Variants in PTPRU observed in about 807,000 individuals in gnomAD.
PTPRU encodes the protein protein tyrosine phosphatase receptor type U, also known as receptor-type tyrosine-protein phosphatase U.
A neutral mutation model predicts 166.3 loss-of-function variants in PTPRU; 69 were observed. The observed-to-expected ratio is 0.41, with a 90% CI of 0.34 to 0.51. PTPRU has a LOEUF of 0.51. Ranked by LOEUF, PTPRU falls within the 20% of genes least tolerant of loss-of-function variation. The probability of loss-of-function intolerance (pLI) is 0.09; values close to 1 mark genes in which losing one functional copy is unlikely to be tolerated. For synonymous variants in PTPRU, 793 were observed against 814.0 expected (o/e 0.97, Z 0.44); for missense variants, 1,657 against 2,013.7 (o/e 0.82, Z 3.39).
At chr1:29,316,222 T>A in intron 24 of PTPRU, 71 bp downstream of exon 24, 1 of 1,503,190 alleles carries the variant, frequency 6.7e-7, no homozygotes, top group Middle Eastern at 2.3e-4. Context: ...TCCTTAATAC[T>A]GCAGGAGTCA....
chr1:29,269,339 C>G (rs1685459874), intron 7 of PTPRU, among the ~76,000 whole-genome samples: 1 of 133,696 alleles, frequency 7.5e-6, no homozygotes, highest in Non-Finnish European at 1.5e-5. Flanking sequence ...AAGGGATCCT[C>G]CTGTTTCAGC....
At chr1:29,297,189 G>C (rs970783580) in intron 15 of PTPRU, among the ~76,000 whole-genome samples, 3 of 151,596 alleles carry the variant, frequency 2.0e-5, no homozygotes, top group Non-Finnish European at 4.4e-5. Flanking sequence ...CTAGTAGCTG[G>C]GACTACAGGC....
Position 29,279,092 on chromosome 1 carries a change from G to A in PTPRU, c.1534G>A (p.Glu512Lys). 6.3e-7 allele frequency: 1 copy of A among 1,585,016 alleles called. No homozygotes were observed. Among genetic ancestry groups the A allele is most frequent in the South Asian group, 1.2e-5 (1 of 86,600 alleles). ...CTTCCTCAAGTGGGAGGAGCCCCAGGAGCCCAATGGTCTCATCACCCAGTA... is the reference window on the plus strand; with the variant it reads ...CTTCCTCAAGTGGGAGGAGCCCCAGAAGCCCAATGGTCTCATCACCCAGTA... ...MIFLKWEEPQ[E>K]PNGLITQYEI... is the part of the protein sequence containing the mutation. The change falls in exon 9 of 30, where the codon GAG becomes AAG. Residue 512 changes from glutamate (E) to lysine (K), a missense_variant. Glu to Lys is a moderately conservative substitution (Grantham distance 56). Around this residue, in one of 3 missense-constraint regions of PTPRU, gnomAD observed 1,190 missense variants for 1,477.4 expected, o/e 0.81. Coordinates refer to ENST00000373779, the MANE Select transcript of PTPRU (RefSeq NM_133178.4). The surrounding 1 kb of genome is among the most constrained non-coding windows in gnomAD (Gnocchi z 5.2).
chr1:29,269,407 T>C (rs1685462531), intron 7 of PTPRU, among the ~76,000 whole-genome samples: 1 of 151,278 alleles, frequency 6.6e-6, no homozygotes, highest in Non-Finnish European at 1.5e-5. Flanking sequence ...ATCCAGTGTT[T>C]TTAACAGCAG....
intron 26 of PTPRU, 119 bp from the exon 27 acceptor site, chr1:29,323,252 G>A (rs551181888): frequency 6.0e-6 from 8 of 1,339,078 alleles, no homozygotes; most frequent in Admixed American, 2.3e-5. Context: ...GGAGTGAGTG[G>A]GTGGGCCAGG....
chr1:29,318,017 G>T, intron 25 of PTPRU, 96 bp downstream of exon 25: 1 of 1,463,132 alleles, frequency 6.8e-7, no homozygotes, highest in Non-Finnish European at 9.3e-7. Context: ...AGGCTCTGTT[G>T]GGGGGACCCC....
Position 29,325,765 on chromosome 1 carries a change from A to G in PTPRU, c.*104A>G. ...TCCTGCTCTGCCCAAACACACTCCC[A>G]TGGGGCAAGCACTGGAGTGGATGCT... On this transcript the variant is annotated 3_prime_UTR_variant, in exon 30 of 30. Transcript: ENST00000373779. 2 of 1,249,880 alleles carry G rather than the reference A, an allele frequency of 1.6e-6. No homozygotes were observed. Among genetic ancestry groups the G allele is most frequent in the South Asian group, 1.4e-5 (1 of 69,004 alleles). 77.4% of individuals were successfully genotyped at this position (1,249,880 alleles called of 1,614,324 possible).
At chr1:29,244,621 G>C (rs1417300168) in intron 1 of PTPRU, among the ~76,000 whole-genome samples, 1 of 152,086 alleles carries the variant, frequency 6.6e-6, no homozygotes, top group Non-Finnish European at 1.5e-5. Context: ...GTGGTTAAGA[G>C]CATGGGTTCA....
intron 18 of PTPRU, among the ~76,000 whole-genome samples, chr1:29,306,784 A>G (rs1382194201): frequency 6.6e-6 from 1 of 151,854 alleles, no homozygotes; most frequent in Non-Finnish European, 1.5e-5. Context: ...CTGGGGCCAG[A>G]TGTGCCATGC....
rs1309984829 is a variant in PTPRU, at chr1:29,280,803, G to A, written c.1868+662G>A. ...TGTGTGTGAGAGTGTGAGGGTGTTT[G>A]TGCAACTGTGTGCACGTACTGTTAG... On this transcript the variant is annotated intron_variant, in intron 11 of 29. Transcript: ENST00000373779. The surrounding 1 kb of genome is among the most constrained non-coding windows in gnomAD (Gnocchi z 4.2). Among the ~76,000 whole-genome samples, 1 of 152,048 alleles carries A rather than the reference G, an allele frequency of 6.6e-6. No homozygotes were observed. Among genetic ancestry groups the A allele is most frequent in the African/African-American group, 2.4e-5 (1 of 41,394 alleles).
chr1:29,252,830 G>A (rs1684615780), intron 1 of PTPRU, among the ~76,000 whole-genome samples: 1 of 152,122 alleles, frequency 6.6e-6, no homozygotes, highest in South Asian at 2.1e-4. Flanking sequence ...AAATGTGTGG[G>A]GGCTTCTCCC....
intron 7 of PTPRU, among the ~76,000 whole-genome samples, chr1:29,272,779 C>T (rs144386643): frequency 7.2e-4 from 109 of 151,528 alleles, no homozygotes; most frequent in African/African-American, 2.5e-3. Flanking sequence ...TGGTGGTACG[C>T]ACCTGTAGTG....
At chr1:29,268,288 G>A (rs1163061636) in intron 7 of PTPRU, among the ~76,000 whole-genome samples, 3 of 152,196 alleles carry the variant, frequency 2.0e-5, no homozygotes, top group Non-Finnish European at 4.4e-5. Context: ...TTAAAGCCCT[G>A]AGGTTGGATG....
intron 15 of PTPRU, among the ~76,000 whole-genome samples, chr1:29,299,781 GCC>G (rs1687056129): frequency 6.6e-6 from 1 of 152,128 alleles, no homozygotes; most frequent in African/African-American, 2.4e-5. Context: ...TCTCCATCTC[GCC>G]AGTTTCTTCT....
intron 8 of PTPRU, among the ~76,000 whole-genome samples, chr1:29,278,472 A>G (rs561250541): frequency 5.2e-5 from 8 of 152,384 alleles, no homozygotes; most frequent in African/African-American, 1.9e-4. Flanking sequence ...TGTTAATGCT[A>G]AAATGTTAAC....
chr1:29,320,732 G>C lies in PTPRU; in HGVS notation c.3735G>C (p.Gln1245His). 2.5e-6 allele frequency: 4 copies of C among 1,608,516 alleles called. No homozygotes were observed. Among genetic ancestry groups the C allele is most frequent in the African/African-American group, 1.3e-5 (1 of 74,986 alleles). Residue 1245 changes from glutamine to histidine, a missense_variant, in exon 26 of 30, where the codon CAG becomes CAC. Transcript: ENST00000373779. This position sits in a 1 kb window ranked among gnomAD's most constrained non-coding sequence, Gnocchi z 5.2. Reference sequence around the variant, plus strand: ...TCATCGTGACCCTGCACCCGCTGCAGAGCACCACGCCCGACTTCTGGCGGC... The same window carrying C: ...TCATCGTGACCCTGCACCCGCTGCACAGCACCACGCCCGACTTCTGGCGGC... The part of the protein sequence containing the change: ...AAFIVTLHPL[Q>H]STTPDFWRLV...
chr1:29,256,003 C>T (rs950030476), intron 2 of PTPRU, among the ~76,000 whole-genome samples: 1 of 152,146 alleles, frequency 6.6e-6, no homozygotes, highest in Admixed American at 6.5e-5. Context: ...CATCATGGCC[C>T]CTAGAACACT....
In PTPRU at chr1:29,320,673, G is replaced by A; in HGVS notation, c.3688-12G>A. The A allele has an allele frequency of 1.9e-6, 3 of 1,563,854 alleles. No individual in the cohort carries two copies. The highest frequency in any genetic ancestry group is 2.6e-6 in the Non-Finnish European group (3 of 1,146,360). On this transcript the variant is annotated splice_polypyrimidine_tract_variant and intron_variant, in intron 25 of 29. Coordinates refer to ENST00000373779, the MANE Select transcript of PTPRU (RefSeq NM_133178.4). This position sits in a 1 kb window ranked among gnomAD's most constrained non-coding sequence, Gnocchi z 5.2. ...GGGAACAGGGCCCTGCTGAGTTCCG[G>A]TTTCCCTGCAGAGCTACACACGGAG...
chr1:29,236,816 G>T lies in PTPRU; in HGVS notation c.73+99G>T. The T allele has an allele frequency of 1.8e-6, 2 of 1,138,584 alleles. No individual in the cohort carries two copies. The highest frequency in any genetic ancestry group is 2.3e-6 in the Non-Finnish European group (2 of 886,516). 70.5% of individuals were successfully genotyped at this position (1,138,584 alleles called of 1,614,324 possible). ...TGAGTGTTGAGTGACCGGGCGTTAC[G>T]AGCGTGCTCCCTGTGTGTGTCTGAG... On this transcript the variant is annotated intron_variant, in intron 1 of 29. Transcript: ENST00000373779. This position sits in a 1 kb window ranked among gnomAD's most constrained non-coding sequence, Gnocchi z 4.6.
Sources: gnomAD v4.1 joint callset for allele counts (sites outside exome capture counted in the v4.1 genomes callset) on GRCh38, gnomAD v4.1.1 for gene constraint, gnomAD v4.1.1 regional missense constraint, Gnocchi (gnomAD v3.1) non-coding constraint, MANE v1.5 for transcripts, NCBI Gene and HGNC (gene_info 2026-07-23, HGNC 2026-07-21) for gene names.